The following CCAR1 variants were observed in gnomAD, a reference collection of about 807,000 sequenced individuals.
The protein encoded by CCAR1 is cell division cycle and apoptosis regulator protein 1.
CCAR1 carries 78 observed loss-of-function variants against 163.8 expected under a neutral mutation model. The ratio of observed to expected loss-of-function variants is 0.48; its 90% CI spans 0.40 to 0.57. The LOEUF (loss-of-function observed/expected upper bound fraction) is 0.57, where lower values mean the gene tolerates loss of function less well. CCAR1 is among the 20% of genes least tolerant of loss of function. The pLI is 0.00. For missense variants in CCAR1, 1,019 were observed against 1,365.2 expected (o/e 0.75, Z 4.00); for synonymous variants, 443 against 460.7 (o/e 0.96, Z 0.49).
chr10:68,767,674 A>T (rs2056553043), intron 17 of CCAR1, among the ~76,000 whole-genome samples: 1 of 152,152 alleles, frequency 6.6e-6, no homozygotes, highest in Non-Finnish European at 1.5e-5. Context: ...CCTCCCAAGT[A>T]GCCGGAATTA....
chr10:68,786,415 C>G, intron 20 of CCAR1, 131 bp from the exon 21 acceptor site: 1 of 725,756 alleles, frequency 1.4e-6, no homozygotes, highest in Non-Finnish European at 2.2e-6. Context: ...CAGATAAACT[C>G]ATTTTAGCTA....
intron 23 of CCAR1, 118 bp from the exon 24 acceptor site, chr10:68,789,592 A>T (rs2056831626): frequency 1.6e-5 from 10 of 633,858 alleles, no homozygotes; most frequent in Middle Eastern, 8.6e-4. Context: ...ATTGACAGAC[A>T]TTGCCATTTT....
chr10:68,765,763 A>T, intron 16 of CCAR1, 125 bp from the exon 17 acceptor site: 1 of 654,346 alleles, frequency 1.5e-6, no homozygotes, highest in South Asian at 2.1e-5. Context: ...TATAAGTACC[A>T]TGAAGAGTCA....
At chr10:68,746,298 A>T (rs989977024) in intron 6 of CCAR1, among the ~76,000 whole-genome samples, 1 of 150,796 alleles carries the variant, frequency 6.6e-6, no homozygotes, top group Non-Finnish European at 1.5e-5. Flanking sequence ...TTTTTTTGAG[A>T]TGGAGTCTCA....
intron 6 of CCAR1, among the ~76,000 whole-genome samples, chr10:68,743,507 CAA>C (rs1212644658): frequency 6.6e-6 from 1 of 151,738 alleles, no homozygotes; most frequent in Non-Finnish European, 1.5e-5. Context: ...TGAAGAAACT[CAA>C]GTGTGGAATT....
intron 5 of CCAR1, 52 bp from the exon 6 acceptor site, chr10:68,742,324 T>C (rs1012953160): frequency 4.1e-6 from 6 of 1,447,534 alleles, no homozygotes; most frequent in Non-Finnish European, 5.6e-6. Context: ...ATATTCAGTT[T>C]TTAGATGATT....
chr10:68,726,613 C>G (rs988042861), intron 2 of CCAR1, among the ~76,000 whole-genome samples: 1 of 152,060 alleles, frequency 6.6e-6, no homozygotes. Context: ...GTTTTTCTCT[C>G]TTAGTTACTA....
chr10:68,742,013 C>T (rs1251571021), intron 5 of CCAR1, among the ~76,000 whole-genome samples: 3 of 152,108 alleles, frequency 2.0e-5, no homozygotes, highest in African/African-American at 7.2e-5. Flanking sequence ...AATGCTATTT[C>T]CCTAAGTGTA....
chr10:68,722,602 G>T (rs912420084), intron 2 of CCAR1, 25 bp downstream of exon 2: 1 of 1,556,422 alleles, frequency 6.4e-7, no homozygotes, highest in Admixed American at 1.7e-5. Flanking sequence ...TACATGTACT[G>T]TAATTGTTTG....
intron 2 of CCAR1, among the ~76,000 whole-genome samples, chr10:68,730,689 A>G (rs1214410767): frequency 6.6e-6 from 1 of 152,030 alleles, no homozygotes; most frequent in East Asian, 1.9e-4. Flanking sequence ...TTAGCCCTTA[A>G]TTTTTTTAAT....
At chr10:68,754,892 A>G in intron 12 of CCAR1, 65 bp downstream of exon 12, 2 of 865,440 alleles carry the variant, frequency 2.3e-6, no homozygotes, top group South Asian at 2.8e-5. Flanking sequence ...CTTTGTACAC[A>G]TAAAATCTAA....
At chr10:68,779,070 T>G (rs557666225) in intron 19 of CCAR1, among the ~76,000 whole-genome samples, 35 of 152,030 alleles carry the variant, frequency 2.3e-4, no homozygotes, top group African/African-American at 7.7e-4. Context: ...GTTTTGAACT[T>G]CTGACCTTGT....
intron 8 of CCAR1, among the ~76,000 whole-genome samples, chr10:68,748,169 A>G (rs934316920): frequency 5.3e-5 from 8 of 152,198 alleles, no homozygotes; most frequent in African/African-American, 1.9e-4. Flanking sequence ...GTGTTCTTAT[A>G]AAAACACTGT....
intron 6 of CCAR1, among the ~76,000 whole-genome samples, chr10:68,743,736 ATTTAT>A (rs1210133264): frequency 8.1e-3 from 21 of 2,582 alleles, no homozygotes; most frequent in African/African-American, 0.035. Flanking sequence ...TTGTTTGTTT[ATTTAT>A]TTATTTATTT....
Position 68,787,968 on chromosome 10 carries a change from C to T in CCAR1, c.2922C>T (p.Cys974=). The change falls in exon 22 of 25, where the codon TGC becomes TGT. Residue 974 remains cysteine (C), a synonymous_variant. Transcript: ENST00000265872. ...LLNKVVLRES[C]FYRKLTDTSK... is the part of the protein sequence containing the mutation. ...ATAAAGTAGTGCTCCGTGAATCTTG[C>T]TTTTACCGGAAATTAACAGACACCT... 1 of 1,612,882 alleles carries T rather than the reference C, an allele frequency of 6.2e-7. No homozygotes were observed. The highest frequency in any genetic ancestry group is 8.5e-7 in the Non-Finnish European group (1 of 1,179,408).
At chr10:68,784,915 CT>C (rs754185332) in intron 19 of CCAR1, among the ~76,000 whole-genome samples, 10,700 of 124,666 alleles carry the variant, frequency 0.086, 403 homozygotes, top group African/African-American at 0.21. Flanking sequence ...GTGAACATAA[CT>C]TTTTTTTTTT....
intron 17 of CCAR1, among the ~76,000 whole-genome samples, chr10:68,768,538 C>T (rs747022829): frequency 2.6e-5 from 4 of 152,026 alleles, no homozygotes; most frequent in South Asian, 4.1e-4. Context: ...TTGAACGCAG[C>T]GGGCAGAGGT....
In CCAR1 at chr10:68,791,489, A is replaced by C. The variant is rs1287086288; in HGVS notation, c.*223A>C. ...CACTCCTTGAGTGAAATAATTTTGC[A>C]TTGCAAAGTGTTTTAGGATGAACTT... On this transcript the variant is annotated 3_prime_UTR_variant, in exon 25 of 25. Coordinates refer to ENST00000265872, the MANE Select transcript of CCAR1 (RefSeq NM_018237.4). 1.1e-4 allele frequency: 35 copies of C among 323,000 alleles called. No individual in the cohort carries two copies. The East Asian group carries it at 1.9e-3, about 17-fold the overall frequency. The allele number at this position is 323,000 out of a possible 1,614,324, so 20.0% of individuals were successfully genotyped here.
chr10:68,721,641 C>T (rs763254726), intron 1 of CCAR1: 1 of 442,072 alleles, frequency 2.3e-6, no homozygotes, highest in Non-Finnish European at 4.5e-6. Context: ...CGGCGTGGGT[C>T]TTGGGGAATA....
Sources: allele counts gnomAD v4.1 joint callset (sites outside exome capture counted in the v4.1 genomes callset), GRCh38; gene constraint gnomAD v4.1.1; transcripts MANE v1.5; gene names NCBI Gene and HGNC (gene_info 2026-07-23, HGNC 2026-07-21).